CPEB3: variants seen among roughly 807,000 people sequenced by gnomAD.
The protein encoded by CPEB3 is cytoplasmic polyadenylation element-binding protein 3.
Under a neutral mutation model 67.2 loss-of-function variants are expected in CPEB3, and 20 were observed. The observed-to-expected ratio is 0.30, with a 90% CI of 0.21 to 0.43. CPEB3 has a LOEUF of 0.43. Ranked by LOEUF, CPEB3 falls within the 20% of genes least tolerant of loss-of-function variation. The probability of loss-of-function intolerance (pLI) is 1.00; values close to 1 mark genes in which losing one functional copy is unlikely to be tolerated. For synonymous variants in CPEB3, 376 were observed against 393.1 expected (o/e 0.96, Z 0.51); for missense variants, 746 against 968.6 (o/e 0.77, Z 3.05).
Position 92,161,273 on chromosome 10 carries a change from G to A in CPEB3, c.1223-16188C>T, listed in dbSNP as rs548315594. Reference sequence around the variant, plus strand: ...ATTTTTTTTTGTTTCATTTTGTTTTGGTTTGGCTTTTTTTTGAGACAGAGT... The same window carrying A: ...ATTTTTTTTTGTTTCATTTTGTTTTAGTTTGGCTTTTTTTTGAGACAGAGT... On this transcript the variant is annotated intron_variant, in intron 4 of 9. Coordinates refer to ENST00000265997, the MANE Select transcript of CPEB3 (RefSeq NM_014912.5). Among the ~76,000 whole-genome samples, 8 of 151,570 alleles carry A rather than the reference G, an allele frequency of 5.3e-5. No homozygotes were observed. In the South Asian group the frequency reaches 1.7e-3, roughly 32 times the overall value.
intron 6 of CPEB3, among the ~76,000 whole-genome samples, chr10:92,139,614 T>C (rs1846295450): frequency 6.6e-6 from 1 of 152,220 alleles, no homozygotes; most frequent in Non-Finnish European, 1.5e-5. Context: ...AATAAGATCT[T>C]GTCTTTGATA....
chr10:92,192,743 A>G (rs1849042411), intron 2 of CPEB3, 107 bp from the exon 3 acceptor site: 2 of 771,402 alleles, frequency 2.6e-6, no homozygotes, highest in Non-Finnish European at 4.0e-6. Context: ...AAAGTTACAG[A>G]GAGCCCCAAC....
At chr10:92,215,195 C>T (rs1453845412) in intron 2 of CPEB3, among the ~76,000 whole-genome samples, 19 of 150,972 alleles carry the variant, frequency 1.3e-4, no homozygotes, top group Admixed American at 1.1e-3. Flanking sequence ...CTCTGTTGCC[C>T]GGGCTAGAGT....
rs1564898717 is a variant in CPEB3, at chr10:92,239,832, C to CGGCGCG, written c.513_518dup (p.Ala172_Pro173dup). ...GTGGCTGCGCTGGCTGTGCCGGCTG[C>CGGCGCG]GGCGCGGGCGCAGGCGGCGGCGGCT... On this transcript the variant is annotated inframe_insertion, in exon 2 of 10. Transcript: ENST00000265997. The surrounding 1 kb of genome is among the most constrained non-coding windows in gnomAD (Gnocchi z 6.0). The CGGCGCG allele has an allele frequency of 6.1e-6, 9 of 1,481,100 alleles. No individual in the cohort carries two copies. The South Asian group carries it at 6.9e-5, about 11-fold the overall frequency. 91.7% of individuals were successfully genotyped at this position (1,481,100 alleles called of 1,614,324 possible). A position where few individuals can be genotyped will look rare whatever the true frequency, so the allele number is the denominator to read the frequency against.
chr10:92,203,532 T>A (rs1199407079), intron 2 of CPEB3, among the ~76,000 whole-genome samples: 1 of 148,410 alleles, frequency 6.7e-6, no homozygotes. Context: ...ATATATATTT[T>A]TTTTTTAGAG....
intron 1 of CPEB3, among the ~76,000 whole-genome samples, chr10:92,248,486 A>C (rs575972658): frequency 6.6e-6 from 1 of 152,238 alleles, no homozygotes; most frequent in African/African-American, 2.4e-5. Context: ...CCCTAGCACA[A>C]TGCTTATATG....
chr10:92,267,292 T>C (rs1266397491), intron 1 of CPEB3, among the ~76,000 whole-genome samples: 2 of 152,310 alleles, frequency 1.3e-5, no homozygotes, highest in South Asian at 2.1e-4. Flanking sequence ...TTACAACCCT[T>C]TAAAAATATA....
intron 4 of CPEB3, among the ~76,000 whole-genome samples, chr10:92,162,134 T>C (rs986802059): frequency 2.0e-5 from 3 of 152,124 alleles, no homozygotes; most frequent in Non-Finnish European, 2.9e-5. Flanking sequence ...GCCTTAGAGA[T>C]AGAATTCTTT....
chr10:92,201,325 C>T (rs902150437), intron 2 of CPEB3, among the ~76,000 whole-genome samples: 20 of 152,182 alleles, frequency 1.3e-4, no homozygotes, highest in African/African-American at 2.9e-4. Flanking sequence ...GTCAGCAGTT[C>T]GAGACCAGCC....
intron 8 of CPEB3, among the ~76,000 whole-genome samples, chr10:92,082,690 G>A (rs1843205370): frequency 2.0e-5 from 3 of 152,144 alleles, no homozygotes; most frequent in Non-Finnish European, 4.4e-5. Flanking sequence ...TTACTTGATA[G>A]TGGACAGCAC....
chr10:92,114,813 A>T (rs1359334144), intron 6 of CPEB3, among the ~76,000 whole-genome samples: 2 of 152,240 alleles, frequency 1.3e-5, no homozygotes, highest in African/African-American at 4.8e-5. Context: ...ATTTGTCCCA[A>T]TTACCTTACA....
At chr10:92,286,652 G>A (rs1321027038) in intron 1 of CPEB3, among the ~76,000 whole-genome samples, 1 of 151,340 alleles carries the variant, frequency 6.6e-6, no homozygotes, top group African/African-American at 2.4e-5. Context: ...TATATTTTCT[G>A]GAAACACCTG....
chr10:92,100,004 A>G (rs763546671), intron 7 of CPEB3, among the ~76,000 whole-genome samples: 2 of 152,144 alleles, frequency 1.3e-5, no homozygotes, highest in African/African-American at 2.4e-5. Context: ...TCTCTATGAA[A>G]ACCTTTTCAA....
In CPEB3 at chr10:92,052,155, C is replaced by G; in HGVS notation, c.*57G>C. The G allele has an allele frequency of 8.1e-7, 1 of 1,233,696 alleles. No individual in the cohort carries two copies. The highest frequency in any genetic ancestry group is 1.2e-6 in the Non-Finnish European group (1 of 843,646). 76.4% of individuals were successfully genotyped at this position (1,233,696 alleles called of 1,614,324 possible). A position where few individuals can be genotyped will look rare whatever the true frequency, so the allele number is the denominator to read the frequency against. On this transcript the variant is annotated 3_prime_UTR_variant, in exon 10 of 10. Transcript: ENST00000265997. ...ACACTGTAAGCCCTGAGGCAGTGCCCTCTCTTTTCCCTCCTTGTTATCTAC... is the reference window on the plus strand; with the variant it reads ...ACACTGTAAGCCCTGAGGCAGTGCCGTCTCTTTTCCCTCCTTGTTATCTAC...
intron 1 of CPEB3, among the ~76,000 whole-genome samples, chr10:92,266,045 C>T (rs944195554): frequency 6.6e-6 from 1 of 152,116 alleles, no homozygotes; most frequent in Admixed American, 6.6e-5. Context: ...GAGCTTAGTG[C>T]CCTCGACATG....
At chr10:92,070,815 A>T (rs1054652790) in intron 9 of CPEB3, among the ~76,000 whole-genome samples, 1 of 151,244 alleles carries the variant, frequency 6.6e-6, no homozygotes, top group Non-Finnish European at 1.5e-5. Flanking sequence ...AAATAAAAAT[A>T]AAAAACTCAT....
At chr10:92,072,820 G>A (rs751889013) in intron 9 of CPEB3, among the ~76,000 whole-genome samples, 4 of 152,258 alleles carry the variant, frequency 2.6e-5, no homozygotes, top group East Asian at 3.9e-4. Flanking sequence ...CCTCTGTTAC[G>A]CACGAGTGTA....
chr10:92,131,313 G>A (rs1357693503), intron 6 of CPEB3, among the ~76,000 whole-genome samples: 1 of 152,140 alleles, frequency 6.6e-6, no homozygotes, highest in African/African-American at 2.4e-5. Flanking sequence ...TTATTTTGGA[G>A]TGTACCAAGA....
At chr10:92,225,357 C>G (rs1199085681) in intron 2 of CPEB3, among the ~76,000 whole-genome samples, 1 of 152,168 alleles carries the variant, frequency 6.6e-6, no homozygotes, top group Non-Finnish European at 1.5e-5. Context: ...ATGTTCATGA[C>G]AGCATCATGT....
Sources: allele counts gnomAD v4.1 joint callset (sites outside exome capture counted in the v4.1 genomes callset), GRCh38; gene constraint gnomAD v4.1.1; non-coding constraint Gnocchi (gnomAD v3.1); transcripts MANE v1.5; gene names NCBI Gene and HGNC (gene_info 2026-07-23, HGNC 2026-07-21).